The following SGCD variants were observed in gnomAD, a reference collection of about 807,000 sequenced individuals.
SGCD encodes delta-sarcoglycan.
SGCD carries 18 observed loss-of-function variants against 36.6 expected under a neutral mutation model. The ratio of observed to expected loss-of-function variants is 0.49; its 90% confidence interval spans 0.34 to 0.73. The LOEUF is 0.73. Ranked by LOEUF, SGCD falls within the 30% of genes least tolerant of loss-of-function variation. The pLI is 0.01. For synonymous variants in SGCD, 133 were observed against 130.6 expected, an observed-to-expected ratio of 1.02 and a Z score of -0.12; for missense variants, 387 against 346.7, an observed-to-expected ratio of 1.12 and a Z score of -0.92.
intron 3 of SGCD, among the ~76,000 whole-genome samples, chr5:156,361,463 A>G (rs1769791332): frequency 6.6e-6 from 1 of 152,242 alleles, no homozygotes; most frequent in Non-Finnish European, 1.5e-5. Flanking sequence ...GAGATTAGCA[A>G]TACTTGTGTT....
intron 3 of SGCD, among the ~76,000 whole-genome samples, chr5:156,214,413 G>C (rs565025856): frequency 4.5e-4 from 69 of 151,678 alleles, no homozygotes; most frequent in Non-Finnish European, 4.6e-4. Flanking sequence ...AGATAAAAAA[G>C]ACCTGTATGC....
chr5:156,352,340 G>C (rs1769301961), intron 3 of SGCD, among the ~76,000 whole-genome samples: 1 of 152,210 alleles, frequency 6.6e-6, no homozygotes, highest in Admixed American at 6.5e-5. Context: ...AAAGTAGATA[G>C]CAAAGTTTTC....
At chr5:156,551,140 T>G (rs758790161) in intron 4 of SGCD, among the ~76,000 whole-genome samples, 31 of 152,168 alleles carry the variant, frequency 2.0e-4, no homozygotes, top group Non-Finnish European at 4.0e-4. Flanking sequence ...CCTCAAGACC[T>G]TTGCACTTCT....
intron 2 of SGCD, among the ~76,000 whole-genome samples, chr5:156,329,894 G>A (rs930172260): frequency 5.3e-5 from 8 of 151,366 alleles, no homozygotes; most frequent in African/African-American, 1.5e-4. Context: ...GTGGGCGCCC[G>A]TAGTCCCAGC....
intron 3 of SGCD, among the ~76,000 whole-genome samples, chr5:156,182,614 C>T (rs1467541820): frequency 6.6e-6 from 1 of 151,950 alleles, no homozygotes; most frequent in Non-Finnish European, 1.5e-5. Flanking sequence ...ATAAAAAGAA[C>T]AAGCTAGGGA....
intron 1 of SGCD, among the ~76,000 whole-genome samples, chr5:155,979,268 T>C (rs1313423560): frequency 6.6e-6 from 1 of 152,156 alleles, no homozygotes; most frequent in Non-Finnish European, 1.5e-5. Flanking sequence ...AATGTACATA[T>C]ACCTAAAGAA....
intron 4 of SGCD, among the ~76,000 whole-genome samples, chr5:156,581,802 T>C (rs1361294741): frequency 6.6e-6 from 1 of 152,106 alleles, no homozygotes; most frequent in East Asian, 1.9e-4. Context: ...GATGGGAGGG[T>C]CCTGTTTTTC....
chr5:156,252,978 G>C (rs1765621032), intron 3 of SGCD, among the ~76,000 whole-genome samples: 1 of 152,162 alleles, frequency 6.6e-6, no homozygotes, highest in Admixed American at 6.5e-5. Flanking sequence ...GAATATCCTT[G>C]TAGTGCATTA....
intron 1 of SGCD, among the ~76,000 whole-genome samples, chr5:156,041,624 T>G (rs1320854879): frequency 6.6e-6 from 1 of 152,174 alleles, no homozygotes. Context: ...AGACTTGGTG[T>G]GTCTTTTCGC....
chr5:156,765,767 C>T lies in SGCD; in HGVS notation c.*6377C>T, dbSNP rs1757575986. 6.6e-6 allele frequency: 1 copy of T among 152,118 alleles called. No homozygotes were observed. The allele number at this position is 152,118 out of a possible 1,614,324, so 9.4% of individuals were successfully genotyped here. On this transcript the variant is annotated 3_prime_UTR_variant, in exon 9 of 9. Coordinates refer to ENST00000337851, the MANE Select transcript of SGCD (RefSeq NM_000337.6). The stretch of plus-strand genomic sequence containing the variant: ...CAGAGCTGGAATGTAGGTTTAACTC[C>T]TGACCACTATGCTATAAAGTCACCA...
At chr5:156,176,793 A>C (rs1763485423) in intron 3 of SGCD, among the ~76,000 whole-genome samples, 1 of 152,158 alleles carries the variant, frequency 6.6e-6, no homozygotes, top group Admixed American at 6.5e-5. Context: ...ATATCTCTGA[A>C]AAATATTCTT....
chr5:155,839,191 G>T, the SGCD span, among the ~76,000 whole-genome samples: 1 of 152,168 alleles, frequency 6.6e-6, no homozygotes, highest in East Asian at 1.9e-4. Context: ...ATTTCTGGCT[G>T]GTGGAGGAAT....
At chr5:156,002,411 G>A (rs1203228065) in intron 1 of SGCD, among the ~76,000 whole-genome samples, 1 of 152,158 alleles carries the variant, frequency 6.6e-6, no homozygotes, top group African/African-American at 2.4e-5. Flanking sequence ...CAGCCTTGTG[G>A]TATTTTATAA....
At chr5:156,474,164 G>T (rs187314002) in intron 3 of SGCD, among the ~76,000 whole-genome samples, 1 of 152,006 alleles carries the variant, frequency 6.6e-6, no homozygotes, top group Non-Finnish European at 1.5e-5. Context: ...GGCATTTTTG[G>T]GTAGAGGCCA....
intron 1 of SGCD, among the ~76,000 whole-genome samples, chr5:156,046,177 C>G (rs1217701576): frequency 6.6e-6 from 1 of 152,098 alleles, no homozygotes; most frequent in Non-Finnish European, 1.5e-5. Flanking sequence ...ATCTCACTTT[C>G]ATGAGCTTCA....
intron 4 of SGCD, among the ~76,000 whole-genome samples, chr5:156,516,890 A>C (rs1757200383): frequency 6.6e-6 from 1 of 152,072 alleles, no homozygotes; most frequent in Non-Finnish European, 1.5e-5. Flanking sequence ...CCAGCTACTC[A>C]GGGAGGCTGA....
chr5:156,126,833 C>G (rs553067049), intron 3 of SGCD, among the ~76,000 whole-genome samples: 57 of 152,306 alleles, frequency 3.7e-4, no homozygotes, highest in African/African-American at 1.3e-3. Context: ...AGTATGTTTT[C>G]TAAGTCAGCA....
chr5:156,423,557 C>A (rs1164829016), intron 3 of SGCD, among the ~76,000 whole-genome samples: 1 of 149,600 alleles, frequency 6.7e-6, no homozygotes, highest in African/African-American at 2.5e-5. Context: ...TAATATCTAG[C>A]ATCATTTCTT....
At chr5:156,274,262 A>G (rs1480321747) in intron 3 of SGCD, among the ~76,000 whole-genome samples, 1 of 152,132 alleles carries the variant, frequency 6.6e-6, no homozygotes, top group East Asian at 1.9e-4. Flanking sequence ...AAAATTCTCA[A>G]CCAAATATCA....
Sources: gnomAD v4.1 joint callset for allele counts (sites outside exome capture counted in the v4.1 genomes callset) on GRCh38, gnomAD v4.1.1 for gene constraint, MANE v1.5 for transcripts, NCBI Gene and HGNC (gene_info 2026-07-23, HGNC 2026-07-21) for gene names.